The following ZFAT variants were observed in gnomAD, a reference collection of about 807,000 sequenced individuals.
ZFAT encodes the protein zinc finger protein ZFAT.
Under a neutral mutation model 117.7 loss-of-function variants are expected in ZFAT, and 64 were observed. The observed-to-expected ratio is 0.54, with a 90% CI of 0.44 to 0.67. The LOEUF (loss-of-function observed/expected upper bound fraction) is 0.67, where lower values mean the gene tolerates loss of function less well. Among genes scored for constraint, ZFAT ranks in the 30% least tolerant of loss-of-function variants. The pLI, the probability that ZFAT is intolerant of heterozygous loss-of-function variation, is 0.00. For synonymous variants in ZFAT, 679 were observed against 615.0 expected (o/e 1.10, Z -1.54); for missense variants, 1,433 against 1,584.5 (o/e 0.90, Z 1.62).
chr8:134,653,765 C>T (rs1430876552), intron 2 of ZFAT, among the ~76,000 whole-genome samples: 1 of 152,056 alleles, frequency 6.6e-6, no homozygotes, highest in Non-Finnish European at 1.5e-5. Flanking sequence ...CATGTCGGTA[C>T]TGAAATGAAG....
chr8:134,636,310 C>T (rs924280562), intron 3 of ZFAT, among the ~76,000 whole-genome samples: 4 of 152,194 alleles, frequency 2.6e-5, no homozygotes, highest in Non-Finnish European at 4.4e-5. Flanking sequence ...AGAGTCTAAA[C>T]GCCCTTATCC....
chr8:134,723,558 AG>A, the ZFAT span: 1 of 152,294 alleles, frequency 6.6e-6, no homozygotes, highest in Non-Finnish European at 1.5e-5. Flanking sequence ...TCTGCGACTT[AG>A]AGAAGGAGAC....
chr8:134,727,053 T>C, the ZFAT span, among the ~76,000 whole-genome samples: 2 of 151,874 alleles, frequency 1.3e-5, no homozygotes, highest in Non-Finnish European at 2.9e-5. Context: ...TGCTCATGTC[T>C]GCCTTGCTAC....
chr8:134,486,811 A>T (rs1289081081), intron 15 of ZFAT, among the ~76,000 whole-genome samples: 2 of 152,212 alleles, frequency 1.3e-5, no homozygotes, highest in African/African-American at 2.4e-5. Context: ...AGAGGCAATG[A>T]TGCAAAGACA....
At chr8:134,792,698 T>C in the ZFAT span, 4 of 152,146 alleles carry the variant, frequency 2.6e-5, no homozygotes, top group African/African-American at 4.8e-5. Flanking sequence ...AAGCCAGAAA[T>C]AGAGATGACC....
At chr8:134,681,137 C>CG (rs1307411418) in intron 1 of ZFAT, among the ~76,000 whole-genome samples, 10 of 152,188 alleles carry the variant, frequency 6.6e-5, no homozygotes, top group Non-Finnish European at 4.4e-5. Context: ...GAGGCACACA[C>CG]AGAATGCAGC....
At chr8:134,600,151 TTACTTC>T (rs1333569188) in intron 7 of ZFAT, 10 of 464,574 alleles carry the variant, frequency 2.2e-5, no homozygotes, top group Non-Finnish European at 3.9e-5. Context: ...AATTCTGACT[TTACTTC>T]TACTCTATAG....
chr8:134,639,430 C>T (rs1223181540), intron 2 of ZFAT, among the ~76,000 whole-genome samples: 1 of 152,130 alleles, frequency 6.6e-6, no homozygotes, highest in Non-Finnish European at 1.5e-5. Flanking sequence ...AGATTCCTGC[C>T]TTCACTCTAT....
At position 134,602,945 on chromosome 8, in the gene ZFAT, T is replaced by C; in HGVS notation, c.786-12A>G. The C allele has an allele frequency of 1.9e-6, 3 of 1,594,126 alleles. No homozygotes were observed. The highest frequency in any genetic ancestry group is 2.6e-6 in the Non-Finnish European group (3 of 1,169,970). On this transcript the variant is annotated splice_polypyrimidine_tract_variant and intron_variant, in intron 5 of 15. Coordinates refer to ENST00000377838, the MANE Select transcript of ZFAT (RefSeq NM_020863.4). The stretch of plus-strand genomic sequence containing the variant: ...GAGTGGGACCTAGCCTAGAAACAGA[T>C]GACAGCATGGTTACATCTGGAGACC...
At chr8:134,809,899 C>A in the ZFAT span, among the ~76,000 whole-genome samples, 3 of 152,154 alleles carry the variant, frequency 2.0e-5, no homozygotes, top group East Asian at 5.8e-4. Context: ...TGAAACAGTG[C>A]CCACTCAAAG....
rs139705786 is a variant in ZFAT at position 134,614,927 on chromosome 8, T to C, written c.449-4272A>G. Among the ~76,000 whole-genome samples, 98 of 152,196 alleles carry C rather than the reference T, an allele frequency of 6.4e-4. 1 individual carries two copies. In the East Asian group the frequency reaches 0.017, roughly 27 times the overall value. On this transcript the variant is annotated intron_variant, in intron 3 of 15. Transcript: ENST00000377838. ...CTCACATACAAATAGGTGGAACTAT[T>C]ACATAAGGAAGAAGGTAGGAGAAAG...
chr8:134,694,603 G>T (rs1431264131), intron 1 of ZFAT, among the ~76,000 whole-genome samples: 4 of 152,062 alleles, frequency 2.6e-5, no homozygotes, highest in African/African-American at 9.7e-5. Context: ...CACACAACAG[G>T]CTCCATTTAG....
At chr8:134,707,981 G>T (rs901828073) in intron 1 of ZFAT, among the ~76,000 whole-genome samples, 1 of 152,102 alleles carries the variant, frequency 6.6e-6, no homozygotes, top group Non-Finnish European at 1.5e-5. Flanking sequence ...TTTAATGTGG[G>T]ACATATACAC....
the ZFAT span, among the ~76,000 whole-genome samples, chr8:134,830,565 C>A: frequency 6.6e-6 from 1 of 152,206 alleles, no homozygotes; most frequent in Non-Finnish European, 1.5e-5. Flanking sequence ...GAGTATATGC[C>A]GAGACTGCTG....
At chr8:134,647,760 T>C (rs1037506782) in intron 2 of ZFAT, among the ~76,000 whole-genome samples, 11 of 152,126 alleles carry the variant, frequency 7.2e-5, no homozygotes, top group Non-Finnish European at 7.4e-5. Context: ...CCATTTATAA[T>C]AGCGTCGAAA....
At chr8:134,787,912 T>C in the ZFAT span, among the ~76,000 whole-genome samples, 2 of 152,172 alleles carry the variant, frequency 1.3e-5, no homozygotes, top group Non-Finnish European at 2.9e-5. Context: ...AGAAATACAA[T>C]TTCTGTATAG....
chr8:134,538,796 CA>C (rs35209102), intron 11 of ZFAT, among the ~76,000 whole-genome samples: 32,601 of 104,868 alleles, frequency 0.31, 3,451 homozygotes, highest in African/African-American at 0.4. Flanking sequence ...GACCCTGTCA[CA>C]AAAAAAAAAA....
At chr8:134,814,955 G>A in the ZFAT span, among the ~76,000 whole-genome samples, 14 of 152,232 alleles carry the variant, frequency 9.2e-5, no homozygotes, top group African/African-American at 3.1e-4. Flanking sequence ...TAAAATCCAG[G>A]TTTATTTTTT....
intron 8 of ZFAT, 33 bp from the exon 9 acceptor site, chr8:134,588,428 G>C: frequency 6.5e-7 from 1 of 1,545,554 alleles, no homozygotes; most frequent in East Asian, 2.4e-5. Context: ...AAAGGAGTCA[G>C]AGCACCTCAG....
Sources: gnomAD v4.1 joint callset for allele counts (sites outside exome capture counted in the v4.1 genomes callset) on GRCh38, gnomAD v4.1.1 for gene constraint, MANE v1.5 for transcripts, NCBI Gene and HGNC (gene_info 2026-07-23, HGNC 2026-07-21) for gene names.